Variants in LCN9 observed in about 807,000 individuals in gnomAD.
The protein encoded by LCN9 is lipocalin 9.
Under a neutral mutation model 18.5 loss-of-function variants are expected in LCN9, and 22 were observed. That is an observed-to-expected ratio of 1.19 (90% CI 0.85 to 1.70). The LOEUF is 1.70. Among genes scored for constraint, LCN9 ranks in the 40% most tolerant of loss-of-function variants. The pLI, the probability that LCN9 is intolerant of heterozygous loss-of-function variation, is 0.00. For synonymous variants in LCN9, 89 were observed against 83.0 expected (o/e 1.07, Z -0.39); for missense variants, 202 against 201.3 (o/e 1.00, Z -0.02).
rs546261797 is a variant in LCN9 at position 135,663,762 on chromosome 9, G to A, written c.96+345G>A. Among the ~76,000 whole-genome samples the A allele has an allele frequency of 1.4e-3, 205 of 141,716 alleles. 2 individuals are homozygous for A. The highest frequency in any genetic ancestry group is 0.011 in the Middle Eastern group (3 of 266). 93.0% of individuals were successfully genotyped at this position (141,716 alleles called of 152,430 possible). A position where few individuals can be genotyped will look rare whatever the true frequency, so the allele number is the denominator to read the frequency against. ...GACCTAGGGAAAAGAGGGGGACTCA[G>A]TGGGAAAGGGTGGAGCGGGGGACCT... On this transcript the variant is annotated intron_variant, in intron 1 of 5. Transcript: ENST00000619315.
Position 135,663,430 on chromosome 9 carries a change from T to TG in LCN9, c.96+17dup. On this transcript the variant is annotated intron_variant, in intron 1 of 5. Transcript: ENST00000619315. The stretch of plus-strand genomic sequence containing the variant: ...CAACGTGGCCAGGGTGTGTCTGCGT[T>TG]GGGGTCTGTGGGGAAGGGGCCAGGC... 2 of 1,610,336 alleles carry TG rather than the reference T, an allele frequency of 1.2e-6. No individual in the cohort carries two copies. Among genetic ancestry groups the TG allele is most frequent in the Non-Finnish European group, 1.7e-6 (2 of 1,176,772 alleles).
rs1390727250 is a variant in LCN9 at position 135,665,932 on chromosome 9, AG to A, written c.*86del. On this transcript the variant is annotated 3_prime_UTR_variant, in exon 6 of 6. Transcript: ENST00000619315. This position sits in a 1 kb window ranked among gnomAD's most constrained non-coding sequence, Gnocchi z 5.9. The stretch of plus-strand genomic sequence containing the variant: ...GCGTGAGCTGCGACTCGGGACGGGC[AG>A]GGGGCTGGATGGGGAGAGCTTGGGG... 1 of 1,607,094 alleles carries A rather than the reference AG, an allele frequency of 6.2e-7. No homozygotes were observed. The highest frequency in any genetic ancestry group is 8.5e-7 in the Non-Finnish European group (1 of 1,178,320).
chr9:135,666,138 A>G (rs946271274), exon 6 of LCN9: 1 of 1,594,322 alleles, frequency 6.3e-7, no homozygotes, highest in Non-Finnish European at 8.5e-7. Context: ...GCCCTGTGTG[A>G]GTCTCCAGGG....
intron 1 of LCN9, among the ~76,000 whole-genome samples, chr9:135,663,834 G>A (rs561748432): frequency 6.3e-5 from 2 of 31,526 alleles, no homozygotes; most frequent in Non-Finnish European, 1.3e-4. Context: ...AGACCTGTGG[G>A]GCAGAGGGGG....
chr9:135,663,567 A>G, intron 1 of LCN9, 150 bp downstream of exon 1: 1 of 358,574 alleles, frequency 2.8e-6, no homozygotes, highest in Non-Finnish European at 5.7e-6. Context: ...CTGGGAGAGC[A>G]GGGGTTACTC....
chr9:135,665,833 G>T lies in LCN9; in HGVS notation c.*10-28G>T, dbSNP rs1027508722. ...GTGTGCCTGCGGGGTCCCTGTCCCT[G>T]CGCTGAGAGCCCCCTCTGTCCTTCC... On this transcript the variant is annotated intron_variant, in intron 5 of 5. Transcript: ENST00000619315. The surrounding 1 kb of genome is among the most constrained non-coding windows in gnomAD (Gnocchi z 5.9). 1.9e-6 allele frequency: 3 copies of T among 1,612,180 alleles called. No individual in the cohort carries two copies. The highest frequency in any genetic ancestry group is 2.5e-6 in the Non-Finnish European group (3 of 1,179,200).
chr9:135,664,758 C>A lies in LCN9; in HGVS notation c.270C>A (p.Cys90Ter). 1 of 1,598,682 alleles carries A rather than the reference C, an allele frequency of 6.3e-7. No individual in the cohort carries two copies. Among genetic ancestry groups the A allele is most frequent in the Non-Finnish European group, 8.5e-7 (1 of 1,173,054 alleles). ...AGTGTGTGGCTGTGGTCGTGGTCTG[C>A]GAGAAGACAGAGAAGAATGGGGAAT... is the stretch of plus-strand genomic sequence containing the variant. The change falls in exon 3 of 6, where the codon TGC (cysteine) becomes TGA (stop). Residue 90 changes from cysteine to a stop codon, truncating the protein, a stop_gained. Transcript: ENST00000619315. LOFTEE classifies it high-confidence loss of function. The surrounding 1 kb of genome is among the most constrained non-coding windows in gnomAD (Gnocchi z 4.5).
intron 1 of LCN9, among the ~76,000 whole-genome samples, chr9:135,663,946 G>A (rs1834168739): frequency 6.9e-6 from 1 of 144,034 alleles, no homozygotes; most frequent in African/African-American, 2.7e-5. Context: ...CGGGGGCCCT[G>A]GAAGGGCGGA....
In LCN9 at chr9:135,665,185, C is replaced by T. The variant is rs925662599; in HGVS notation, c.308-60C>T. 4.3e-5 allele frequency: 51 copies of T among 1,172,814 alleles called. No homozygotes were observed. In the African/African-American group the frequency reaches 5.2e-4, roughly 12 times the overall value. 72.7% of individuals were successfully genotyped at this position (1,172,814 alleles called of 1,614,324 possible). A position where few individuals can be genotyped will look rare whatever the true frequency, so the allele number is the denominator to read the frequency against. ...CATCCTCACTTGCGGCCACACAGCA[C>T]GTGTCACAGGACCCTGAGGGTGGCG... On this transcript the variant is annotated intron_variant, in intron 3 of 5. Transcript: ENST00000619315. The surrounding 1 kb of genome is among the most constrained non-coding windows in gnomAD (Gnocchi z 5.9).
rs1588215656 is a variant in LCN9 at position 135,665,176 on chromosome 9, C to T, written c.308-69C>T. Reference sequence around the variant, plus strand: ...TTGACCCCCCATCCTCACTTGCGGCCACACAGCACGTGTCACAGGACCCTG... The same window carrying T: ...TTGACCCCCCATCCTCACTTGCGGCTACACAGCACGTGTCACAGGACCCTG... On this transcript the variant is annotated intron_variant, in intron 3 of 5. Coordinates refer to ENST00000619315, the Ensembl canonical transcript of LCN9. This position sits in a 1 kb window ranked among gnomAD's most constrained non-coding sequence, Gnocchi z 5.9. The T allele has an allele frequency of 2.7e-6, 3 of 1,105,212 alleles. No homozygotes were observed. The highest frequency in any genetic ancestry group is 2.6e-5 in the East Asian group (1 of 38,714). 68.5% of individuals were successfully genotyped at this position (1,105,212 alleles called of 1,614,324 possible).
exon 6 of LCN9, chr9:135,666,044 A>C: frequency 1.9e-6 from 3 of 1,599,604 alleles, no homozygotes; most frequent in Non-Finnish European, 2.5e-6. Flanking sequence ...TGCTTTGGTG[A>C]AAGATGCTGT....
In LCN9 at chr9:135,665,173, G is replaced by C; in HGVS notation, c.308-72G>C. ...CACTTGACCCCCCATCCTCACTTGCGGCCACACAGCACGTGTCACAGGACC... is the reference window on the plus strand; with the variant it reads ...CACTTGACCCCCCATCCTCACTTGCCGCCACACAGCACGTGTCACAGGACC... On this transcript the variant is annotated intron_variant, in intron 3 of 5. Transcript: ENST00000619315. This position sits in a 1 kb window ranked among gnomAD's most constrained non-coding sequence, Gnocchi z 5.9. The C allele has an allele frequency of 4.7e-6, 5 of 1,063,246 alleles. No homozygotes were observed. The highest frequency in any genetic ancestry group is 5.7e-6 in the Non-Finnish European group (4 of 705,900). 65.9% of individuals were successfully genotyped at this position (1,063,246 alleles called of 1,614,324 possible).
chr9:135,665,384 T>A lies in LCN9; in HGVS notation c.418+29T>A, dbSNP rs1834201821. ...CCTCCGCTGTCCCCCTCTGACCCCC[T>A]CGGGGACCCCACCTCCTCTGAAGTC... On this transcript the variant is annotated intron_variant, in intron 4 of 5. Transcript: ENST00000619315. This position sits in a 1 kb window ranked among gnomAD's most constrained non-coding sequence, Gnocchi z 5.9. 1 of 1,527,758 alleles carries A rather than the reference T, an allele frequency of 6.5e-7. No individual in the cohort carries two copies. Among genetic ancestry groups the A allele is most frequent in the African/African-American group, 1.4e-5 (1 of 72,732 alleles). The allele number at this position is 1,527,758 out of a possible 1,614,324, so 94.6% of individuals were successfully genotyped here. A position where few individuals can be genotyped will look rare whatever the true frequency, so the allele number is the denominator to read the frequency against.
chr9:135,663,540 C>A (rs1248294911), intron 1 of LCN9, 123 bp downstream of exon 1: 24 of 497,208 alleles, frequency 4.8e-5, no homozygotes, highest in Non-Finnish European at 8.2e-5. Context: ...CTCTCCTCCC[C>A]AAGCTGTGAC....
Position 135,664,947 on chromosome 9 carries a change from C to T in LCN9, c.307+152C>T, listed in dbSNP as rs1004413833. On this transcript the variant is annotated intron_variant, in intron 3 of 5. Transcript: ENST00000619315. This position sits in a 1 kb window ranked among gnomAD's most constrained non-coding sequence, Gnocchi z 4.5. ...CTGGAGGGACCCATCCTGGCACCTA[C>T]CCAGGGGGGCTCCTGGCCCAGGGGA... Among the ~76,000 whole-genome samples, 1 of 152,072 alleles carries T rather than the reference C, an allele frequency of 6.6e-6. No homozygotes were observed. The highest frequency in any genetic ancestry group is 1.5e-5 in the Non-Finnish European group (1 of 67,986).
In LCN9 at chr9:135,664,197, A is replaced by G. The variant is rs909737006; in HGVS notation, c.132A>G (p.Ser44=). The stretch of plus-strand genomic sequence containing the variant: ...TCTGGTATTCTATTTTCATGGCCTC[A>G]GATGACCTGAATCGGATTAAAGAAA... Residue 44 remains serine (S), a synonymous_variant, in exon 2 of 6, where the codon TCA becomes TCG. Transcript: ENST00000619315. The surrounding 1 kb of genome is among the most constrained non-coding windows in gnomAD (Gnocchi z 4.5). The G allele has an allele frequency of 1.9e-6, 3 of 1,613,432 alleles. No individual in the cohort carries two copies.
At position 135,664,342 on chromosome 9, in the gene LCN9, C is replaced by G; in HGVS notation, c.233+44C>G. On this transcript the variant is annotated intron_variant, in intron 2 of 5. Transcript: ENST00000619315. The surrounding 1 kb of genome is among the most constrained non-coding windows in gnomAD (Gnocchi z 4.5). ...AGCTGGCATCAGGAAGACCCATGCC[C>G]CTGCCACCCCAACGCATACTCTCAC... 10 of 1,610,346 alleles carry G rather than the reference C, an allele frequency of 6.2e-6. No individual in the cohort carries two copies. Among genetic ancestry groups the G allele is most frequent in the Non-Finnish European group, 8.5e-6 (10 of 1,177,830 alleles).
In LCN9 at chr9:135,664,322, G is replaced by C; in HGVS notation, c.233+24G>C. The stretch of plus-strand genomic sequence containing the variant: ...ATGTGCGTGTTGCCCATCTCAGCTG[G>C]CATCAGGAAGACCCATGCCCCTGCC... On this transcript the variant is annotated intron_variant, in intron 2 of 5. Transcript: ENST00000619315. This position sits in a 1 kb window ranked among gnomAD's most constrained non-coding sequence, Gnocchi z 4.5. The C allele has an allele frequency of 6.2e-7, 1 of 1,613,262 alleles. No homozygotes were observed. Among genetic ancestry groups the C allele is most frequent in the Non-Finnish European group, 8.5e-7 (1 of 1,179,702 alleles).
chr9:135,665,936 G>A lies in LCN9; in HGVS notation c.*85G>A. 3 of 1,605,860 alleles carry A rather than the reference G, an allele frequency of 1.9e-6. No individual in the cohort carries two copies. Among genetic ancestry groups the A allele is most frequent in the Non-Finnish European group, 2.5e-6 (3 of 1,178,084 alleles). ...GAGCTGCGACTCGGGACGGGCAGGG[G>A]GCTGGATGGGGAGAGCTTGGGGCCA... On this transcript the variant is annotated 3_prime_UTR_variant, in exon 6 of 6. Coordinates refer to ENST00000619315, the Ensembl canonical transcript of LCN9. This position sits in a 1 kb window ranked among gnomAD's most constrained non-coding sequence, Gnocchi z 5.9.
Sources: allele counts gnomAD v4.1 joint callset (sites outside exome capture counted in the v4.1 genomes callset), GRCh38; gene constraint gnomAD v4.1.1; non-coding constraint Gnocchi (gnomAD v3.1); transcripts MANE v1.5; gene names NCBI Gene and HGNC (gene_info 2026-07-23, HGNC 2026-07-21).